Variants in SEMA3A observed in about 807,000 individuals in gnomAD.
SEMA3A encodes the protein semaphorin-3A.
SEMA3A carries 29 observed loss-of-function variants against 97.9 expected under a neutral mutation model. The ratio of observed to expected loss-of-function variants is 0.30; its 90% CI spans 0.22 to 0.40. The LOEUF (loss-of-function observed/expected upper bound fraction) is 0.40, where lower values mean the gene tolerates loss of function less well. Among genes scored for constraint, SEMA3A ranks in the 10% least tolerant of loss-of-function variants. SEMA3A has a pLI of 1.00. For missense variants in SEMA3A, 763 were observed against 951.3 expected (o/e 0.80, Z 2.60); for synonymous variants, 321 against 323.7 (o/e 0.99, Z 0.09).
At chr7:83,998,789 T>A (rs564973539) in intron 12 of SEMA3A, among the ~76,000 whole-genome samples, 17 of 152,164 alleles carry the variant, frequency 1.1e-4, no homozygotes, top group Non-Finnish European at 2.5e-4. Flanking sequence ...TTATTATTAT[T>A]TCACTTTTTA....
intron 14 of SEMA3A, among the ~76,000 whole-genome samples, chr7:83,980,689 C>T (rs1290161184): frequency 1.4e-5 from 2 of 145,548 alleles, no homozygotes; most frequent in Admixed American, 6.9e-5. Flanking sequence ...TAGATATACA[C>T]ATATACATAT....
chr7:84,453,367 G>T lies in SEMA3A; in HGVS notation c.-246+39093C>A, dbSNP rs555250971. On this transcript the variant is annotated intron_variant, in intron 1 of 3. Coordinates refer to the SEMA3A transcript ENST00000424555. ...TTCTCCTGCCTCAGCCTCCCGAGTA[G>T]CTGGGACTACAGGCGCCCGCCACCT... 7.9e-5 allele frequency among the ~76,000 whole-genome samples: 12 copies of T among 151,696 alleles called. No individual in the cohort carries two copies. In the South Asian group the frequency reaches 2.5e-3, roughly 32 times the overall value.
At chr7:84,066,859 C>T (rs563688328) in intron 4 of SEMA3A, among the ~76,000 whole-genome samples, 13 of 152,170 alleles carry the variant, frequency 8.5e-5, no homozygotes, top group East Asian at 1.9e-4. Flanking sequence ...AGGTAATTTA[C>T]AGATTGAATG....
chr7:84,411,203 G>C (rs1421513661), intron 1 of SEMA3A, among the ~76,000 whole-genome samples: 3 of 151,862 alleles, frequency 2.0e-5, no homozygotes, highest in Non-Finnish European at 4.4e-5. Flanking sequence ...TTCTGGACTA[G>C]GAAAAAAATT....
At chr7:84,429,516 T>TATATATATA (rs1554385262) in intron 1 of SEMA3A, among the ~76,000 whole-genome samples, 2 of 72,420 alleles carry the variant, frequency 2.8e-5, no homozygotes, top group African/African-American at 1.4e-4. Context: ...ATAGAGTTTG[T>TATATATATA]TATATATATA....
At chr7:84,294,062 T>C (rs1800812484) in intron 3 of SEMA3A, among the ~76,000 whole-genome samples, 3 of 152,210 alleles carry the variant, frequency 2.0e-5, no homozygotes, top group South Asian at 4.1e-4. Flanking sequence ...TTCAATAATA[T>C]GGATCAAAAC....
At chr7:84,366,878 A>T (rs1557791) in intron 2 of SEMA3A, among the ~76,000 whole-genome samples, 2 of 150,854 alleles carry the variant, frequency 1.3e-5, no homozygotes, top group Non-Finnish European at 3.0e-5. Flanking sequence ...GTTATGCAGG[A>T]TTTTTTTTCT....
intron 2 of SEMA3A, among the ~76,000 whole-genome samples, chr7:84,371,377 A>G (rs892975818): frequency 6.6e-6 from 1 of 151,828 alleles, no homozygotes; most frequent in Non-Finnish European, 1.5e-5. Flanking sequence ...AGAATTGGCA[A>G]TTATCTTTAG....
At chr7:84,043,066 C>T (rs531333687) in intron 6 of SEMA3A, among the ~76,000 whole-genome samples, 2 of 152,000 alleles carry the variant, frequency 1.3e-5, no homozygotes, top group African/African-American at 4.8e-5. Flanking sequence ...ACTGGTACAT[C>T]ATGCCAAACC....
intron 3 of SEMA3A, among the ~76,000 whole-genome samples, chr7:84,270,852 T>G (rs1191093965): frequency 6.6e-6 from 1 of 151,758 alleles, no homozygotes; most frequent in Non-Finnish European, 1.5e-5. Context: ...AGGCAGCAAT[T>G]GTGCTTCTCA....
chr7:83,976,530 T>C (rs1169746742), intron 15 of SEMA3A, among the ~76,000 whole-genome samples: 1 of 151,638 alleles, frequency 6.6e-6, no homozygotes, highest in African/African-American at 2.4e-5. Context: ...TAAGTGAAGG[T>C]TGGTTGATGT....
intron 3 of SEMA3A, among the ~76,000 whole-genome samples, chr7:84,253,699 G>A (rs1799657935): frequency 6.6e-6 from 1 of 152,106 alleles, no homozygotes; most frequent in Non-Finnish European, 1.5e-5. Context: ...AGGGATAGAG[G>A]AGGGCAAATG....
chr7:84,280,499 A>G (rs1241054269), intron 3 of SEMA3A, among the ~76,000 whole-genome samples: 1 of 152,134 alleles, frequency 6.6e-6, no homozygotes, highest in Non-Finnish European at 1.5e-5. Flanking sequence ...ATGTCTGTAT[A>G]GTGGCCGGGC....
intron 4 of SEMA3A, among the ~76,000 whole-genome samples, chr7:84,086,279 A>T (rs1794337840): frequency 6.6e-6 from 1 of 151,572 alleles, no homozygotes; most frequent in Non-Finnish European, 1.5e-5. Context: ...CGTTCCTACA[A>T]CAGTCTCTAG....
chr7:84,360,176 G>T (rs1338008009), intron 2 of SEMA3A, among the ~76,000 whole-genome samples: 2 of 151,934 alleles, frequency 1.3e-5, no homozygotes, highest in East Asian at 3.9e-4. Flanking sequence ...TCTGCCTTCT[G>T]CTAGCTTTTG....
At chr7:84,472,576 A>C (rs74750380) in intron 1 of SEMA3A, among the ~76,000 whole-genome samples, 2,965 of 152,264 alleles carry the variant, frequency 0.019, 103 homozygotes, top group East Asian at 0.16. Context: ...CATTTCTATC[A>C]GATACAATGT....
chr7:84,471,952 G>T (rs1806164574), intron 1 of SEMA3A, among the ~76,000 whole-genome samples: 1 of 150,836 alleles, frequency 6.6e-6, no homozygotes, highest in Admixed American at 6.6e-5. Flanking sequence ...TGGTATCTTA[G>T]GTTAATGCCC....
In SEMA3A at chr7:84,062,906, T is replaced by C. The variant is rs371817307; in HGVS notation, c.454-2348A>G. Among the ~76,000 whole-genome samples, 184 of 151,946 alleles carry C rather than the reference T, an allele frequency of 1.2e-3. 3 individuals carry two copies. In the East Asian group the frequency reaches 0.03, roughly 25 times the overall value. On this transcript the variant is annotated intron_variant, in intron 4 of 16. Transcript: ENST00000265362. ...AAGCAGCCTGGAAGCTCCAACTGGG[T>C]GGAGCCCACCACAGCTCAAGGAGGC... is the stretch of plus-strand genomic sequence containing the variant.
intron 1 of SEMA3A, among the ~76,000 whole-genome samples, chr7:84,381,631 A>G (rs548529740): frequency 3.9e-5 from 6 of 152,074 alleles, no homozygotes; most frequent in African/African-American, 1.2e-4. Context: ...CCACTATTTG[A>G]TCTTCTATTT....
Sources: gnomAD v4.1 joint callset for allele counts (sites outside exome capture counted in the v4.1 genomes callset) on GRCh38, gnomAD v4.1.1 for gene constraint, MANE v1.5 for transcripts, NCBI Gene and HGNC (gene_info 2026-07-23, HGNC 2026-07-21) for gene names.